The following STXBP4 variants were observed in gnomAD, a reference collection of about 807,000 sequenced individuals.
STXBP4 encodes the protein syntaxin binding protein 4.
STXBP4 carries 55 observed loss-of-function variants against 76.1 expected under a neutral mutation model. The ratio of observed to expected loss-of-function variants is 0.72; its 90% CI spans 0.58 to 0.91. The LOEUF is 0.91. Among genes scored for constraint, STXBP4 ranks in the 40% least tolerant of loss-of-function variants. STXBP4 has a pLI of 0.00. For synonymous variants in STXBP4, 201 were observed against 220.2 expected (o/e 0.91, Z 0.77); for missense variants, 618 against 636.9 (o/e 0.97, Z 0.32).
chr17:55,176,109 C>T (rs1194257420), downstream of STXBP4, among the ~76,000 whole-genome samples: 2 of 152,124 alleles, frequency 1.3e-5, no homozygotes, highest in African/African-American at 2.4e-5. Context: ...GGGTAATTAT[C>T]GCCCACCTTC....
the STXBP4 span, among the ~76,000 whole-genome samples, chr17:55,189,701 C>A: frequency 6.6e-6 from 1 of 152,174 alleles, no homozygotes; most frequent in Non-Finnish European, 1.5e-5. Context: ...TGACATTGGC[C>A]AGTTCTGTGG....
intron 8 of STXBP4, among the ~76,000 whole-genome samples, chr17:55,023,224 G>T (rs1169761241): frequency 6.6e-6 from 1 of 152,090 alleles, no homozygotes; most frequent in Non-Finnish European, 1.5e-5. Flanking sequence ...TCTAATTCTG[G>T]CAACATTGTA....
intron 16 of STXBP4, among the ~76,000 whole-genome samples, chr17:55,117,241 C>G (rs1376710682): frequency 6.6e-6 from 1 of 151,738 alleles, no homozygotes; most frequent in Non-Finnish European, 1.5e-5. Context: ...CATATGATCT[C>G]ATTTTGTAAC....
At chr17:55,112,610 G>T (rs2079733331) in intron 16 of STXBP4, among the ~76,000 whole-genome samples, 1 of 152,080 alleles carries the variant, frequency 6.6e-6, no homozygotes, top group Admixed American at 6.6e-5. Context: ...GGTTAGGGTG[G>T]GGGAAGTTCC....
At chr17:54,995,946 T>G (rs2077794865) in intron 4 of STXBP4, among the ~76,000 whole-genome samples, 1 of 152,116 alleles carries the variant, frequency 6.6e-6, no homozygotes, top group Admixed American at 6.6e-5. Flanking sequence ...AGAGTTCTAG[T>G]TATGCCTAAT....
chr17:54,977,278 T>C (rs2077486488), intron 1 of STXBP4, among the ~76,000 whole-genome samples: 1 of 152,224 alleles, frequency 6.6e-6, no homozygotes, highest in Non-Finnish European at 1.5e-5. Context: ...TGGCCATCAG[T>C]ATCCGCAGGT....
the STXBP4 span, among the ~76,000 whole-genome samples, chr17:55,204,200 G>A: frequency 6.6e-6 from 1 of 151,494 alleles, no homozygotes. Context: ...TGTCTCTTTA[G>A]CTGTGGTTAA....
intron 16 of STXBP4, among the ~76,000 whole-genome samples, chr17:55,091,482 G>A (rs1254181038): frequency 6.6e-6 from 1 of 152,092 alleles, no homozygotes; most frequent in African/African-American, 2.4e-5. Context: ...AAACTTTTGA[G>A]TGCAGATATG....
chr17:54,968,886 G>T (rs988884572), intron 1 of STXBP4, 71 bp downstream of exon 1: 3 of 463,756 alleles, frequency 6.5e-6, no homozygotes, highest in African/African-American at 5.8e-5. Flanking sequence ...TTAACATTTA[G>T]GAAAATGCGT....
chr17:55,116,936 C>T (rs767912220), intron 16 of STXBP4, among the ~76,000 whole-genome samples: 1 of 151,636 alleles, frequency 6.6e-6, no homozygotes, highest in East Asian at 1.9e-4. Flanking sequence ...TTTAATGAAC[C>T]TTTTATTAAT....
At chr17:55,024,299 C>T (rs553217101) in intron 8 of STXBP4, among the ~76,000 whole-genome samples, 28 of 152,340 alleles carry the variant, frequency 1.8e-4, no homozygotes, top group African/African-American at 6.5e-4. Flanking sequence ...TCTAGTGCCA[C>T]CACATAAGGA....
intron 9 of STXBP4, among the ~76,000 whole-genome samples, chr17:55,032,469 G>A (rs1371331106): frequency 1.3e-5 from 2 of 152,068 alleles, no homozygotes; most frequent in African/African-American, 2.4e-5. Context: ...ATCACAATGA[G>A]GAACAAGTTG....
At chr17:55,101,192 C>T (rs535446804) in intron 16 of STXBP4, among the ~76,000 whole-genome samples, 4 of 152,250 alleles carry the variant, frequency 2.6e-5, no homozygotes, top group Admixed American at 2.6e-4. Flanking sequence ...GGAAAATGAC[C>T]TTCACAGTGG....
chr17:55,086,393 T>C (rs1169626780), intron 16 of STXBP4, among the ~76,000 whole-genome samples: 9 of 152,180 alleles, frequency 5.9e-5, no homozygotes. Context: ...TTTCCTTTGG[T>C]TGGGAACATT....
chr17:55,193,844 T>TGACAGGCAAGGTG, the STXBP4 span, among the ~76,000 whole-genome samples: 1 of 142,758 alleles, frequency 7.0e-6, no homozygotes, highest in South Asian at 2.2e-4. Flanking sequence ...ACGTAATTAA[T>TGACAGGCAAGGTG]TCCTACAGCA....
At chr17:55,135,451 C>G (rs2080019229) in intron 16 of STXBP4, among the ~76,000 whole-genome samples, 1 of 152,122 alleles carries the variant, frequency 6.6e-6, no homozygotes, top group South Asian at 2.1e-4. Context: ...TGTTAATACA[C>G]AGCATTTTTG....
At chr17:55,097,469 C>T (rs926849819) in intron 16 of STXBP4, among the ~76,000 whole-genome samples, 2 of 152,138 alleles carry the variant, frequency 1.3e-5, no homozygotes, top group African/African-American at 2.4e-5. Flanking sequence ...CGAGACCATC[C>T]TGGCTAACAC....
chr17:55,205,543 G>GCACACACA, the STXBP4 span, among the ~76,000 whole-genome samples: 1 of 148,472 alleles, frequency 6.7e-6, no homozygotes, highest in Non-Finnish European at 1.5e-5. Context: ...GCAGACAAAT[G>GCACACACA]CACACACACA....
At chr17:54,998,132 A>C (rs536735348) in intron 4 of STXBP4, among the ~76,000 whole-genome samples, 44 of 152,238 alleles carry the variant, frequency 2.9e-4, no homozygotes, top group Admixed American at 9.8e-4. Flanking sequence ...ACCTGTTGTT[A>C]TTTAGGAGTA....
Sources: gnomAD v4.1 joint callset for allele counts (sites outside exome capture counted in the v4.1 genomes callset) on GRCh38, gnomAD v4.1.1 for gene constraint, MANE v1.5 for transcripts, NCBI Gene and HGNC (gene_info 2026-07-23, HGNC 2026-07-21) for gene names.